Variants in ROBO2 observed in about 807,000 individuals in gnomAD.
The protein encoded by ROBO2 is roundabout homolog 2.
In ROBO2, 53 loss-of-function variants were observed where a neutral mutation model predicts 160.8. That is an observed-to-expected ratio of 0.33 (90% confidence interval 0.26 to 0.41). The LOEUF (loss-of-function observed/expected upper bound fraction) is 0.41. Among genes scored for constraint, ROBO2 ranks in the 10% least tolerant of loss-of-function variants. The pLI is 1.00. For synonymous variants in ROBO2, 664 were observed against 611.7 expected, an observed-to-expected ratio of 1.09 and a Z score of -1.26; for missense variants, 1,577 against 1,722.4, an observed-to-expected ratio of 0.92 and a Z score of 1.49.
chr3:77,578,923 C>G (rs1444279996), intron 15 of ROBO2, among the ~76,000 whole-genome samples: 1 of 151,876 alleles, frequency 6.6e-6, no homozygotes, highest in African/African-American at 2.4e-5. Context: ...TAAATGTTCT[C>G]ACTCTCTAGG....
At chr3:76,147,914 A>G (rs1166382176) in intron 2 of ROBO2, among the ~76,000 whole-genome samples, 2 of 152,054 alleles carry the variant, frequency 1.3e-5, no homozygotes, top group African/African-American at 4.8e-5. Flanking sequence ...AATATCTCAA[A>G]TGAAAAACTT....
chr3:76,381,753 G>A (rs2076636224), intron 2 of ROBO2, among the ~76,000 whole-genome samples: 1 of 152,042 alleles, frequency 6.6e-6, no homozygotes, highest in Admixed American at 6.5e-5. Flanking sequence ...CAACAATAAG[G>A]CATGTGCTTT....
At chr3:75,912,613 A>G (rs567541914) in intron 1 of ROBO2, among the ~76,000 whole-genome samples, 22 of 152,308 alleles carry the variant, frequency 1.4e-4, no homozygotes, top group African/African-American at 4.3e-4. Context: ...TTAACATGGA[A>G]GATTTTTCCA....
chr3:76,533,846 C>T (rs2082353592), intron 2 of ROBO2, among the ~76,000 whole-genome samples: 1 of 151,604 alleles, frequency 6.6e-6, no homozygotes, highest in Non-Finnish European at 1.5e-5. Flanking sequence ...GTCAACTGAT[C>T]AGTTAGGGTA....
chr3:76,497,301 TCCTCCCAC>T (rs1390693754), intron 2 of ROBO2, among the ~76,000 whole-genome samples: 7 of 152,130 alleles, frequency 4.6e-5, no homozygotes, highest in Non-Finnish European at 8.8e-5. Flanking sequence ...GCTCAAGCAA[TCCTCCCAC>T]ATCAGCCTCC....
chr3:76,008,232 C>CAAAAAAA (rs5850225), intron 2 of ROBO2, among the ~76,000 whole-genome samples: 13 of 82,252 alleles, frequency 1.6e-4, no homozygotes, highest in East Asian at 1.1e-3. Context: ...AAGACTCTGT[C>CAAAAAAA]AAAAAAAAAA....
chr3:76,581,678 A>G (rs182500917), intron 2 of ROBO2, among the ~76,000 whole-genome samples: 1 of 152,268 alleles, frequency 6.6e-6, no homozygotes, highest in Admixed American at 6.5e-5. Flanking sequence ...TGGAGAAGAA[A>G]AGATACTGTT....
chr3:76,300,438 A>G (rs952526855), intron 2 of ROBO2, among the ~76,000 whole-genome samples: 2 of 151,988 alleles, frequency 1.3e-5, no homozygotes, highest in African/African-American at 4.8e-5. Flanking sequence ...TCAGTGAGAG[A>G]TATATTGAGC....
intron 2 of ROBO2, among the ~76,000 whole-genome samples, chr3:77,100,774 T>G (rs1048186240): frequency 6.6e-6 from 1 of 152,144 alleles, no homozygotes. Context: ...TAAAGCCTAT[T>G]ATAAAGACAT....
chr3:76,046,103 T>C (rs2067437713), intron 2 of ROBO2, among the ~76,000 whole-genome samples: 1 of 151,924 alleles, frequency 6.6e-6, no homozygotes, highest in Non-Finnish European at 1.5e-5. Flanking sequence ...CTGCTTTTCA[T>C]ATGAGGATGT....
chr3:76,534,135 C>T (rs952602585), intron 2 of ROBO2, among the ~76,000 whole-genome samples: 12 of 151,734 alleles, frequency 7.9e-5, no homozygotes, highest in Non-Finnish European at 1.5e-4. Flanking sequence ...GGGGTAAGGG[C>T]GATGTCTCTC....
Position 76,405,787 on chromosome 3 carries a change from G to A in ROBO2, c.109+468185G>A, listed in dbSNP as rs550079996. The stretch of plus-strand genomic sequence containing the variant: ...ATATAAGTAGCTGATGGGAATGGGG[G>A]TTGGGGAGTTGAGGGAATCACTTTT... On this transcript the variant is annotated intron_variant, in intron 2 of 26. Transcript: ENST00000487694. Among the ~76,000 whole-genome samples, 48 of 151,836 alleles carry A rather than the reference G, an allele frequency of 3.2e-4. 1 individual carries two copies. Among genetic ancestry groups the A allele is most frequent in the African/African-American group, 1.1e-3 (47 of 41,498 alleles).
chr3:76,284,972 C>T (rs926302968), intron 2 of ROBO2, among the ~76,000 whole-genome samples: 1 of 152,110 alleles, frequency 6.6e-6, no homozygotes, highest in Non-Finnish European at 1.5e-5. Context: ...TTTTAGCAAA[C>T]CTTTTCTGTG....
chr3:77,160,016 A>C lies in ROBO2; in HGVS notation c.388+61676A>C, dbSNP rs886624608. 7.9e-5 allele frequency among the ~76,000 whole-genome samples: 12 copies of C among 152,112 alleles called. No individual in the cohort carries two copies. In the East Asian group the frequency reaches 1.5e-3, roughly 20 times the overall value. On this transcript the variant is annotated intron_variant, in intron 2 of 25. Transcript: ENST00000461745. ...CTTCATTAGTCTGGAAGTTAGCTGT[A>C]AGAAAAAATAAAGGGAGAGAGAATG... is the stretch of plus-strand genomic sequence containing the variant.
chr3:77,617,815 C>T (rs2094814770), intron 22 of ROBO2, 42 bp downstream of exon 23: 3 of 1,604,080 alleles, frequency 1.9e-6, no homozygotes, highest in African/African-American at 1.3e-5. Flanking sequence ...GCTTTCAACA[C>T]ATGGAAATTT....
chr3:77,334,351 T>C lies in ROBO2; in HGVS notation c.389-143063T>C, dbSNP rs368050504. Reference sequence around the variant, plus strand: ...TCTTCAGTGACATCTTCGGTGTACCTGTCCTGGATTGCCTGTGCTTGGCTT... The same window carrying C: ...TCTTCAGTGACATCTTCGGTGTACCCGTCCTGGATTGCCTGTGCTTGGCTT... On this transcript the variant is annotated intron_variant, in intron 2 of 25. Coordinates refer to ENST00000461745, the Ensembl canonical transcript of ROBO2. 9.2e-5 allele frequency among the ~76,000 whole-genome samples: 14 copies of C among 152,354 alleles called. No homozygotes were observed. The South Asian group carries it at 2.1e-3, about 23-fold the overall frequency.
At chr3:76,322,912 A>G (rs1559762655) in intron 2 of ROBO2, among the ~76,000 whole-genome samples, 2 of 152,184 alleles carry the variant, frequency 1.3e-5, no homozygotes, top group South Asian at 4.1e-4. Context: ...AATATCGCCA[A>G]GAAATAACAG....
intron 2 of ROBO2, among the ~76,000 whole-genome samples, chr3:76,732,350 C>T (rs774603): frequency 0.17 from 26,096 of 152,056 alleles, 2,465 homozygotes; most frequent in Non-Finnish European, 0.22. Context: ...CATATGATGA[C>T]GAGAACTTGG....
chr3:76,084,210 A>G (rs1490366225), intron 2 of ROBO2, among the ~76,000 whole-genome samples: 1 of 152,142 alleles, frequency 6.6e-6, no homozygotes, highest in Non-Finnish European at 1.5e-5. Context: ...TGAGAAACAA[A>G]GAAGCAAAAA....
Sources: gnomAD v4.1 joint callset for allele counts (sites outside exome capture counted in the v4.1 genomes callset) on GRCh38, gnomAD v4.1.1 for gene constraint, MANE v1.5 for transcripts, NCBI Gene and HGNC (gene_info 2026-07-23, HGNC 2026-07-21) for gene names.